Variants in ZNF385D observed in about 807,000 individuals in gnomAD.
The protein encoded by ZNF385D is zinc finger protein 659.
Under a neutral mutation model 35.8 loss-of-function variants are expected in ZNF385D, and 15 were observed. The ratio of observed to expected loss-of-function variants is 0.42; its 90% CI spans 0.28 to 0.64. The LOEUF (loss-of-function observed/expected upper bound fraction) is 0.64, where lower values mean the gene tolerates loss of function less well. Among genes scored for constraint, ZNF385D ranks in the 30% least tolerant of loss-of-function variants. The pLI is 0.23. For missense variants in ZNF385D, 474 were observed against 494.6 expected, an observed-to-expected ratio of 0.96 and a Z score of 0.39; for synonymous variants, 212 against 186.8, an observed-to-expected ratio of 1.13 and a Z score of -1.10.
Position 21,541,755 on chromosome 3 carries a change from G to A in ZNF385D, c.276+22819C>T, listed in dbSNP as rs770751560. On this transcript the variant is annotated intron_variant, in intron 3 of 7. Coordinates refer to ENST00000281523, the MANE Select transcript of ZNF385D (RefSeq NM_024697.3). ...AACAGGAACTAGGATTAATGAAATG[G>A]AATGAGCAAATTTTATCTTTGAGAT... 2.6e-5 allele frequency among the ~76,000 whole-genome samples: 4 copies of A among 152,122 alleles called. No homozygotes were observed. The East Asian group carries it at 7.7e-4, about 29-fold the overall frequency.
chr3:22,151,735 A>G (rs572723075), intron 3 of ZNF385D, among the ~76,000 whole-genome samples: 5 of 152,286 alleles, frequency 3.3e-5, no homozygotes, highest in African/African-American at 1.2e-4. Flanking sequence ...AAACACCTTT[A>G]CAGAAACATC....
chr3:22,353,200 T>C (rs1312018153), intron 2 of ZNF385D, among the ~76,000 whole-genome samples: 1 of 152,198 alleles, frequency 6.6e-6, no homozygotes. Context: ...TTCTTGCTAC[T>C]GGAATCTCTT....
At chr3:21,507,980 C>G (rs912731234) in intron 4 of ZNF385D, among the ~76,000 whole-genome samples, 6 of 152,092 alleles carry the variant, frequency 3.9e-5, no homozygotes, top group African/African-American at 1.4e-4. Flanking sequence ...AACTCTTAGC[C>G]TCTCAACCTA....
At chr3:22,147,395 C>T (rs982128960) in intron 3 of ZNF385D, among the ~76,000 whole-genome samples, 49 of 152,106 alleles carry the variant, frequency 3.2e-4, no homozygotes, top group Admixed American at 1.2e-3. Context: ...TTGGCCATAG[C>T]CCAAATCAGT....
Position 21,886,796 on chromosome 3 carries a change from A to G in ZNF385D, c.326-221768T>C, listed in dbSNP as rs145170360. 2.8e-3 allele frequency among the ~76,000 whole-genome samples: 424 copies of G among 152,264 alleles called. 2 individuals are homozygous for G. Among genetic ancestry groups the G allele is most frequent in the African/African-American group, 9.7e-3 (401 of 41,554 alleles). On this transcript the variant is annotated intron_variant, in intron 3 of 5. Transcript: ENST00000494108. ...TTGACCTCTCATAAGAAAATCTAAT[A>G]AAGAGTTGTATATTTTTAAATAGTT...
intron 3 of ZNF385D, among the ~76,000 whole-genome samples, chr3:22,090,588 T>C (rs149129955): frequency 6.6e-6 from 1 of 152,258 alleles, no homozygotes; most frequent in Non-Finnish European, 1.5e-5. Flanking sequence ...ATATTTAGTG[T>C]AGTCACAGGA....
At chr3:21,630,646 T>C (rs2065254183) in intron 2 of ZNF385D, among the ~76,000 whole-genome samples, 2 of 152,122 alleles carry the variant, frequency 1.3e-5, no homozygotes, top group African/African-American at 2.4e-5. Flanking sequence ...AATAGAAACA[T>C]GGGGCTAAAC....
At chr3:22,139,680 T>G (rs999715356) in intron 3 of ZNF385D, among the ~76,000 whole-genome samples, 2 of 152,000 alleles carry the variant, frequency 1.3e-5, no homozygotes, top group Non-Finnish European at 2.9e-5. Flanking sequence ...ACGAGTTACT[T>G]GGTGCAGTAC....
intron 3 of ZNF385D, among the ~76,000 whole-genome samples, chr3:21,806,502 G>A (rs907392760): frequency 7.9e-5 from 12 of 152,004 alleles, no homozygotes; most frequent in Non-Finnish European, 1.8e-4. Context: ...ACCGCGCCTG[G>A]CCAATAGAGC....
chr3:22,304,292 T>C (rs970309454), intron 2 of ZNF385D, among the ~76,000 whole-genome samples: 5 of 152,210 alleles, frequency 3.3e-5, no homozygotes, highest in Non-Finnish European at 7.3e-5. Context: ...TATGATTTAA[T>C]AGATATGTTG....
intron 2 of ZNF385D, among the ~76,000 whole-genome samples, chr3:22,231,054 G>A (rs192088895): frequency 1.3e-5 from 2 of 152,224 alleles, no homozygotes; most frequent in Non-Finnish European, 2.9e-5. Flanking sequence ...ACAAAAAACA[G>A]CAACAGGACC....
At chr3:22,365,298 T>C (rs926035307) in intron 2 of ZNF385D, among the ~76,000 whole-genome samples, 2 of 151,984 alleles carry the variant, frequency 1.3e-5, no homozygotes, top group African/African-American at 4.8e-5. Context: ...TAAGTAAACA[T>C]TGTCTATTCA....
At chr3:22,199,403 C>A (rs1475111336) in intron 2 of ZNF385D, among the ~76,000 whole-genome samples, 1 of 152,048 alleles carries the variant, frequency 6.6e-6, no homozygotes, top group African/African-American at 2.4e-5. Flanking sequence ...TGGCTGAATG[C>A]AAAAGCTATC....
intron 2 of ZNF385D, among the ~76,000 whole-genome samples, chr3:21,570,993 C>T (rs1362208100): frequency 6.6e-6 from 1 of 150,998 alleles, no homozygotes; most frequent in Non-Finnish European, 1.5e-5. Context: ...TGAGAAATTC[C>T]TTTTTCTTTA....
chr3:21,945,173 TAGTGAGAG>T (rs1026774569), intron 3 of ZNF385D, among the ~76,000 whole-genome samples: 143 of 150,700 alleles, frequency 9.5e-4, no homozygotes, highest in African/African-American at 3.3e-3. Flanking sequence ...CATATATATA[TAGTGAGAG>T]AGAGAGAGAC....
intron 2 of ZNF385D, among the ~76,000 whole-genome samples, chr3:22,264,510 C>T (rs115655243): frequency 3.3e-5 from 5 of 152,094 alleles, no homozygotes; most frequent in Non-Finnish European, 7.4e-5. Flanking sequence ...ACCAAAGATC[C>T]TAACATGTTT....
At chr3:22,138,211 G>T (rs946062289) in intron 3 of ZNF385D, among the ~76,000 whole-genome samples, 7 of 152,104 alleles carry the variant, frequency 4.6e-5, no homozygotes, top group African/African-American at 1.7e-4. Flanking sequence ...TGGGTAGGAA[G>T]AATCAATATC....
At chr3:22,119,115 G>C (rs533420323) in intron 3 of ZNF385D, among the ~76,000 whole-genome samples, 1 of 152,228 alleles carries the variant, frequency 6.6e-6, no homozygotes, top group East Asian at 1.9e-4. Flanking sequence ...CCCAGGGATA[G>C]GACGTCCTGT....
intron 2 of ZNF385D, among the ~76,000 whole-genome samples, chr3:22,360,937 C>T (rs116352042): frequency 0.015 from 2,257 of 151,998 alleles, 28 homozygotes; most frequent in Non-Finnish European, 0.021. Context: ...TTTGATTATG[C>T]GACCTCTCTA....
Sources: gnomAD v4.1 joint callset for allele counts (sites outside exome capture counted in the v4.1 genomes callset) on GRCh38, gnomAD v4.1.1 for gene constraint, MANE v1.5 for transcripts, NCBI Gene and HGNC (gene_info 2026-07-23, HGNC 2026-07-21) for gene names.